ATP8A2: variants seen among roughly 807,000 people sequenced by gnomAD.
The protein encoded by ATP8A2 is ATPase phospholipid transporting 8A2, also known as phospholipid-transporting ATPase IB.
A neutral mutation model predicts 165.6 loss-of-function variants in ATP8A2; 100 were observed. That is an observed-to-expected ratio of 0.60 (90% confidence interval 0.51 to 0.71). The LOEUF (loss-of-function observed/expected upper bound fraction) is 0.71, where lower values mean the gene tolerates loss of function less well. Among genes scored for constraint, ATP8A2 ranks in the 30% least tolerant of loss-of-function variants. The pLI is 0.00. For synonymous variants in ATP8A2, 543 were observed against 548.8 expected (o/e 0.99, Z 0.15); for missense variants, 1,227 against 1,479.5 (o/e 0.83, Z 2.80).
chr13:25,511,700 T>C (rs571438115), intron 2 of ATP8A2, among the ~76,000 whole-genome samples: 95 of 152,256 alleles, frequency 6.2e-4, no homozygotes, highest in African/African-American at 2.2e-3. Flanking sequence ...CTTTTTAATA[T>C]CTTTATGGTT....
chr13:26,001,756 A>G (rs904648798), intron 35 of ATP8A2, among the ~76,000 whole-genome samples: 1 of 152,128 alleles, frequency 6.6e-6, no homozygotes, highest in Non-Finnish European at 1.5e-5. Context: ...TGTTCTTTAT[A>G]TATTCTGGAT....
At chr13:25,957,708 G>C (rs906339348) in intron 33 of ATP8A2, among the ~76,000 whole-genome samples, 1 of 152,200 alleles carries the variant, frequency 6.6e-6, no homozygotes, top group African/African-American at 2.4e-5. Context: ...ACAGTGTGGT[G>C]ATTCCTCAGG....
At chr13:25,649,412 G>A (rs2041757934) in intron 24 of ATP8A2, among the ~76,000 whole-genome samples, 1 of 152,276 alleles carries the variant, frequency 6.6e-6, no homozygotes, top group Non-Finnish European at 1.5e-5. Flanking sequence ...AGTTGGCCAG[G>A]GTTGTGGGAG....
At chr13:25,674,697 C>G (rs1053247900) in intron 24 of ATP8A2, among the ~76,000 whole-genome samples, 4 of 152,076 alleles carry the variant, frequency 2.6e-5, no homozygotes, top group Non-Finnish European at 5.9e-5. Context: ...GGCACATTTT[C>G]CCCACCCGGA....
chr13:25,570,651 C>T (rs1017116996), intron 16 of ATP8A2, 116 bp from the exon 17 acceptor site: 12 of 805,984 alleles, frequency 1.5e-5, no homozygotes, highest in South Asian at 1.0e-4. Flanking sequence ...AGGACCTCTA[C>T]CCTGTCCTAC....
chr13:25,736,700 A>G (rs1386535972), intron 25 of ATP8A2, among the ~76,000 whole-genome samples: 2 of 152,204 alleles, frequency 1.3e-5, no homozygotes, highest in East Asian at 1.9e-4. Context: ...CTGTTCCAAT[A>G]AAACTTTATT....
At chr13:25,932,559 A>G (rs1007707490) in intron 33 of ATP8A2, among the ~76,000 whole-genome samples, 1 of 152,164 alleles carries the variant, frequency 6.6e-6, no homozygotes, top group Non-Finnish European at 1.5e-5. Context: ...CCTAATTTTA[A>G]TATGCTTGTG....
intron 1 of ATP8A2, among the ~76,000 whole-genome samples, chr13:25,392,171 C>G (rs970299201): frequency 6.6e-6 from 1 of 152,226 alleles, no homozygotes; most frequent in African/African-American, 2.4e-5. Context: ...GTCAGAAGAA[C>G]TTTCTGTTTC....
intron 21 of ATP8A2, 21 bp from the exon 22 acceptor site, chr13:25,579,787 T>A (rs2039719479): frequency 6.2e-7 from 1 of 1,610,796 alleles, no homozygotes; most frequent in African/African-American, 1.3e-5. Context: ...CTGCCTCCAT[T>A]CACCAGTGGC....
chr13:25,465,783 C>CTCTTTCTTTCTTTCTT (rs1229991253), intron 1 of ATP8A2, among the ~76,000 whole-genome samples: 3 of 93,588 alleles, frequency 3.2e-5, no homozygotes, highest in Admixed American at 1.2e-4. Context: ...CTCTCTTTCT[C>CTCTTTCTTTCTTTCTT]TCTTTCTTTC....
At chr13:25,619,796 T>C (rs1405722681) in intron 24 of ATP8A2, among the ~76,000 whole-genome samples, 1 of 152,240 alleles carries the variant, frequency 6.6e-6, no homozygotes, top group Admixed American at 6.5e-5. Context: ...TTTTTGGTTT[T>C]GTGGACCACA....
intron 2 of ATP8A2, among the ~76,000 whole-genome samples, chr13:25,473,724 G>C (rs960035933): frequency 2.6e-5 from 4 of 151,588 alleles, no homozygotes; most frequent in Non-Finnish European, 4.4e-5. Flanking sequence ...TTATATTTCT[G>C]TAGATTTCCC....
intron 24 of ATP8A2, among the ~76,000 whole-genome samples, chr13:25,669,637 T>G (rs2042223675): frequency 6.6e-6 from 1 of 152,218 alleles, no homozygotes; most frequent in African/African-American, 2.4e-5. Flanking sequence ...CTCTAGAAAC[T>G]TCCTTCTTAG....
At chr13:25,402,775 G>C (rs1028361684) in intron 1 of ATP8A2, among the ~76,000 whole-genome samples, 2 of 152,212 alleles carry the variant, frequency 1.3e-5, no homozygotes, top group Non-Finnish European at 2.9e-5. Context: ...GAGGCAGCAA[G>C]TTTGCCCTGT....
rs112361120 is a variant in ATP8A2 at position 25,414,470 on chromosome 13, G to A, written c.76+42182G>A. On this transcript the variant is annotated intron_variant, in intron 1 of 36. Coordinates refer to ENST00000381655, the MANE Select transcript of ATP8A2 (RefSeq NM_016529.6). The stretch of plus-strand genomic sequence containing the variant: ...GCCTCCCAAAGTGCCGGGATTACAG[G>A]TCTGAGCCACCGTGCCCAGCTGGGC... Among the ~76,000 whole-genome samples the A allele has an allele frequency of 9.1e-3, 1,387 of 152,230 alleles. 23 individuals are homozygous for A. The highest frequency in any genetic ancestry group is 0.03 in the African/African-American group (1,266 of 41,540).
intron 27 of ATP8A2, among the ~76,000 whole-genome samples, chr13:25,806,675 C>T (rs1950747058): frequency 6.6e-6 from 1 of 152,042 alleles, no homozygotes. Context: ...AATAGGTATT[C>T]AGTTCTCTTC....
intron 33 of ATP8A2, among the ~76,000 whole-genome samples, chr13:25,915,312 T>A (rs1167220410): frequency 3.9e-5 from 6 of 152,234 alleles, no homozygotes; most frequent in Non-Finnish European, 8.8e-5. Flanking sequence ...AGGCTAATTA[T>A]TTAAAAGATT....
chr13:25,681,905 C>G (rs986448558), intron 24 of ATP8A2, among the ~76,000 whole-genome samples: 1 of 152,148 alleles, frequency 6.6e-6, no homozygotes, highest in African/African-American at 2.4e-5. Context: ...GACTGACTGC[C>G]TTGGATGTGG....
intron 36 of ATP8A2, among the ~76,000 whole-genome samples, chr13:26,018,536 G>A (rs9581506): frequency 0.46 from 69,880 of 152,078 alleles, 16,318 homozygotes; most frequent in Non-Finnish European, 0.49. Context: ...ATTCAAGATT[G>A]TCAGGTTTTT....
Sources: gnomAD v4.1 joint callset for allele counts (sites outside exome capture counted in the v4.1 genomes callset) on GRCh38, gnomAD v4.1.1 for gene constraint, MANE v1.5 for transcripts, NCBI Gene and HGNC (gene_info 2026-07-23, HGNC 2026-07-21) for gene names.